RAD51B: variants seen among roughly 807,000 people sequenced by gnomAD.
RAD51B encodes DNA repair protein RAD51 homolog 2.
RAD51B carries 38 observed loss-of-function variants against 42.2 expected under a neutral mutation model. The observed-to-expected ratio is 0.90, with a 90% CI of 0.70 to 1.18. RAD51B has a LOEUF of 1.18. Among genes scored for constraint, RAD51B ranks in the 50% most tolerant of loss-of-function variants. RAD51B has a pLI of 0.00. For missense variants in RAD51B, 373 were observed against 400.7 expected (o/e 0.93, Z 0.59); for synonymous variants, 154 against 145.2 (o/e 1.06, Z -0.43).
rs571631142 is a variant in RAD51B, at chr14:68,041,566, T to C, written c.756+154362T>C. 3.6e-3 allele frequency among the ~76,000 whole-genome samples: 550 copies of C among 152,090 alleles called. 2 individuals are homozygous for C. Among genetic ancestry groups the C allele is most frequent in the African/African-American group, 0.013 (520 of 41,528 alleles). ...TGAGGGTCAACATTTATACTCTCTTTTTTTTTTTTAATCCTTGTTTTCTTC... is the reference window on the plus strand; with the variant it reads ...TGAGGGTCAACATTTATACTCTCTTCTTTTTTTTTAATCCTTGTTTTCTTC... On this transcript the variant is annotated intron_variant, in intron 7 of 10. Transcript: ENST00000471583.
chr14:68,142,817 C>T (rs1048553524), intron 7 of RAD51B, among the ~76,000 whole-genome samples: 1 of 151,932 alleles, frequency 6.6e-6, no homozygotes, highest in Non-Finnish European at 1.5e-5. Flanking sequence ...TTTTTGGAGA[C>T]CACACATTTT....
At chr14:68,460,153 T>A (rs1447949312) in intron 9 of RAD51B, among the ~76,000 whole-genome samples, 1 of 152,130 alleles carries the variant, frequency 6.6e-6, no homozygotes, top group Non-Finnish European at 1.5e-5. Flanking sequence ...ACCAGAAGTC[T>A]ATAAAAGCAG....
chr14:68,274,339 T>A (rs2139598681), intron 7 of RAD51B, among the ~76,000 whole-genome samples: 1 of 152,258 alleles, frequency 6.6e-6, no homozygotes, highest in East Asian at 1.9e-4. Context: ...CTTTCTTCCT[T>A]CCTTTCTTGT....
intron 7 of RAD51B, among the ~76,000 whole-genome samples, chr14:68,040,233 G>A (rs2076197655): frequency 6.6e-6 from 1 of 152,188 alleles, no homozygotes; most frequent in South Asian, 2.1e-4. Flanking sequence ...GCTCCTTATA[G>A]TAGGATAATC....
intron 7 of RAD51B, among the ~76,000 whole-genome samples, chr14:68,257,536 T>C (rs1437252728): frequency 6.6e-6 from 1 of 152,100 alleles, no homozygotes; most frequent in African/African-American, 2.4e-5. Flanking sequence ...TTAAATGATT[T>C]TGTATATTAA....
intron 8 of RAD51B, among the ~76,000 whole-genome samples, chr14:68,399,317 C>G (rs1322020990): frequency 7.0e-6 from 1 of 142,682 alleles, no homozygotes; most frequent in African/African-American, 2.7e-5. Flanking sequence ...AGTGCAGTGG[C>G]GCAATCTCGG....
intron 10 of RAD51B, among the ~76,000 whole-genome samples, chr14:68,640,522 G>T (rs150291402): frequency 7.2e-5 from 11 of 152,316 alleles, no homozygotes; most frequent in Non-Finnish European, 1.3e-4. Context: ...AGGTGTTGGG[G>T]ACTCAAAGGA....
chr14:68,324,280 G>C (rs1309347351), intron 8 of RAD51B, among the ~76,000 whole-genome samples: 1 of 152,128 alleles, frequency 6.6e-6, no homozygotes, highest in South Asian at 2.1e-4. Flanking sequence ...TACCCAACCC[G>C]CACATCTGGG....
At chr14:68,264,345 A>G (rs1243412270) in intron 7 of RAD51B, among the ~76,000 whole-genome samples, 1 of 152,252 alleles carries the variant, frequency 6.6e-6, no homozygotes, top group African/African-American at 2.4e-5. Context: ...GGGGTTAGGG[A>G]TGACTTATAG....
intron 7 of RAD51B, among the ~76,000 whole-genome samples, chr14:68,050,396 A>T (rs2076373109): frequency 6.6e-6 from 1 of 152,196 alleles, no homozygotes; most frequent in Admixed American, 6.5e-5. Flanking sequence ...ATATACCAGC[A>T]TAACATAGGA....
chr14:67,976,037 AC>A (rs2140260838), intron 7 of RAD51B, among the ~76,000 whole-genome samples: 1 of 149,138 alleles, frequency 6.7e-6, no homozygotes, highest in Non-Finnish European at 1.5e-5. Context: ...TGTTTCTTGC[AC>A]CTCTTTCATA....
intron 8 of RAD51B, chr14:68,339,009 G>A (rs184983403): frequency 2.6e-5 from 17 of 653,858 alleles, no homozygotes; most frequent in African/African-American, 1.4e-4. Context: ...TTTACAACAT[G>A]GGGCAGGCAG....
At chr14:67,884,234 A>G (rs933610137) in intron 5 of RAD51B, among the ~76,000 whole-genome samples, 79 of 152,314 alleles carry the variant, frequency 5.2e-4, no homozygotes, top group African/African-American at 1.8e-3. Flanking sequence ...ATGTCTATCC[A>G]TTGACCACCA....
chr14:68,254,470 A>T (rs900551141), intron 7 of RAD51B, among the ~76,000 whole-genome samples: 5 of 152,196 alleles, frequency 3.3e-5, no homozygotes, highest in African/African-American at 9.7e-5. Flanking sequence ...CCACAGTAGT[A>T]TTAGCTGTTC....
chr14:67,825,815 T>C (rs1053324115), intron 3 of RAD51B, among the ~76,000 whole-genome samples: 3 of 152,154 alleles, frequency 2.0e-5, no homozygotes, highest in Non-Finnish European at 2.9e-5. Context: ...CTGTAGCCTC[T>C]GCCTCCTGGG....
intron 10 of RAD51B, among the ~76,000 whole-genome samples, chr14:68,488,929 G>C (rs1883852889): frequency 6.6e-6 from 1 of 152,118 alleles, no homozygotes; most frequent in African/African-American, 2.4e-5. Flanking sequence ...TGGGTTTTCA[G>C]ATAAATTTTT....
At chr14:68,144,809 A>G (rs191456212) in intron 7 of RAD51B, among the ~76,000 whole-genome samples, 1 of 152,334 alleles carries the variant, frequency 6.6e-6, no homozygotes, top group African/African-American at 2.4e-5. Flanking sequence ...TTTAACTTCA[A>G]ACAGATGAAT....
At chr14:67,910,018 C>T (rs554851886) in intron 7 of RAD51B, among the ~76,000 whole-genome samples, 1 of 152,076 alleles carries the variant, frequency 6.6e-6, no homozygotes, top group Non-Finnish European at 1.5e-5. Flanking sequence ...ACTTGACAGG[C>T]CTTTGTTTAA....
chr14:68,660,043 A>T (rs1304335643), intron 11 of RAD51B, among the ~76,000 whole-genome samples: 1 of 152,192 alleles, frequency 6.6e-6, no homozygotes, highest in Non-Finnish European at 1.5e-5. Context: ...TTAAACGAAT[A>T]AGCCATGGAT....
Sources: allele counts gnomAD v4.1 joint callset (sites outside exome capture counted in the v4.1 genomes callset), GRCh38; gene constraint gnomAD v4.1.1; transcripts MANE v1.5; gene names NCBI Gene and HGNC (gene_info 2026-07-23, HGNC 2026-07-21).